KCTD2: variants seen among roughly 807,000 people sequenced by gnomAD.
The protein encoded by KCTD2 is potassium channel tetramerization domain containing 2.
Under a neutral mutation model 27.9 loss-of-function variants are expected in KCTD2, and 18 were observed. That is an observed-to-expected ratio of 0.64 (90% confidence interval 0.45 to 0.96). The LOEUF (loss-of-function observed/expected upper bound fraction) is 0.96. Among genes scored for constraint, KCTD2 ranks in the 40% least tolerant of loss-of-function variants. The probability of loss-of-function intolerance (pLI) is 0.00; values close to 1 mark genes in which losing one functional copy is unlikely to be tolerated. For missense variants in KCTD2, 280 were observed against 348.0 expected (o/e 0.80, Z 1.56); for synonymous variants, 175 against 148.4 (o/e 1.18, Z -1.30).
At chr17:75,036,171 A>G (rs1232136040) in intron 3 of KCTD2, 2 of 368,050 alleles carry the variant, frequency 5.4e-6, no homozygotes, top group Non-Finnish European at 5.6e-6. Flanking sequence ...CTCCTGCCTC[A>G]TCCTCCCAAA....
At chr17:75,056,246 T>C (rs187612445) in intron 3 of KCTD2, among the ~76,000 whole-genome samples, 12 of 152,358 alleles carry the variant, frequency 7.9e-5, no homozygotes, top group Admixed American at 7.2e-4. Flanking sequence ...GATTACCACT[T>C]GGAATGTGAT....
chr17:75,035,083 T>A (rs527538115), intron 2 of KCTD2: 1 of 151,806 alleles, frequency 6.6e-6, no homozygotes, highest in Admixed American at 6.6e-5. Flanking sequence ...GCCATCAAAT[T>A]GGCCTCTCTA....
At chr17:75,062,091 G>A (rs771103888) in intron 4 of KCTD2, 29 bp from the exon 5 acceptor site, 2 of 1,613,162 alleles carry the variant, frequency 1.2e-6, no homozygotes, top group South Asian at 1.1e-5. Context: ...ATTGCCACAT[G>A]AATGTTCACT....
intron 4 of KCTD2, 93 bp downstream of exon 4, chr17:75,059,698 G>A (rs552146492): frequency 7.4e-5 from 70 of 946,252 alleles, no homozygotes; most frequent in African/African-American, 4.5e-4. Context: ...TAATAACCAC[G>A]GGAGACGGCT....
At chr17:75,060,664 C>G (rs932324486) in intron 4 of KCTD2, 1 of 1,495,538 alleles carries the variant, frequency 6.7e-7, no homozygotes, top group South Asian at 1.3e-5. Context: ...GGAGGGCGCG[C>G]GTGCGAGGGC....
intron 2 of KCTD2, among the ~76,000 whole-genome samples, chr17:75,052,252 T>C (rs1239512368): frequency 6.6e-6 from 1 of 152,208 alleles, no homozygotes; most frequent in East Asian, 1.9e-4. Flanking sequence ...CAAAGAGATA[T>C]TTCCTAGCAG....
At chr17:75,040,350 T>C in intron 3 of KCTD2, 1 of 644,010 alleles carries the variant, frequency 1.6e-6, no homozygotes, top group Non-Finnish European at 2.8e-6. Flanking sequence ...AGAAAGAATA[T>C]TAGACTGGGA....
upstream of KCTD2, chr17:75,042,566 T>A (rs1332168773): frequency 1.2e-6 from 2 of 1,612,738 alleles, no homozygotes; most frequent in Admixed American, 3.3e-5. Flanking sequence ...TTCAGGGAAC[T>A]AGCAATGGCC....
At chr17:75,041,427 T>C (rs1439258223) in intron 3 of KCTD2, 1 of 128,892 alleles carries the variant, frequency 7.8e-6, no homozygotes. Context: ...CTGAGCAATA[T>C]GACAAAAACC....
intron 3 of KCTD2, chr17:75,040,418 T>A: frequency 2.1e-6 from 1 of 472,944 alleles, no homozygotes; most frequent in Non-Finnish European, 3.8e-6. Flanking sequence ...GGACAATTCT[T>A]TATGATGATA....
upstream of KCTD2, among the ~76,000 whole-genome samples, chr17:75,042,880 C>G (rs1314607925): frequency 6.7e-6 from 1 of 148,746 alleles, no homozygotes; most frequent in Non-Finnish European, 1.5e-5. Flanking sequence ...GACTCCAACT[C>G]AAAAAAAAAG....
upstream of KCTD2, among the ~76,000 whole-genome samples, chr17:75,045,856 G>A (rs891938775): frequency 6.6e-6 from 1 of 152,202 alleles, no homozygotes; most frequent in African/African-American, 2.4e-5. Flanking sequence ...AATCAGAAGA[G>A]TATTGACTGG....
chr17:75,056,165 T>C (rs1462897606), intron 3 of KCTD2, among the ~76,000 whole-genome samples: 1 of 152,244 alleles, frequency 6.6e-6, no homozygotes, highest in African/African-American at 2.4e-5. Flanking sequence ...TTCATTTAGT[T>C]TTCTTCCATC....
intron 3 of KCTD2, 84 bp downstream of exon 3, chr17:75,053,189 C>T: frequency 9.6e-7 from 1 of 1,043,394 alleles, no homozygotes; most frequent in Non-Finnish European, 1.5e-6. Context: ...ATGCCTTTAC[C>T]CTTAGAGCTG....
chr17:75,057,527 AG>A (rs1207748820), intron 3 of KCTD2, among the ~76,000 whole-genome samples: 3 of 150,704 alleles, frequency 2.0e-5, no homozygotes, highest in Non-Finnish European at 3.0e-5. Context: ...TGAAATCCTT[AG>A]TACTTTGGTT....
chr17:75,047,577 G>A lies in KCTD2; in HGVS notation c.327G>A (p.Leu109=). ...CRLCCQEDPE[L]DSDKDETGAY... ...TCTGCTGCCAGGAGGACCCGGAGCT[G>A]GACTCAGACAAGGTGTGCCCCGCCC... The change falls in exon 1 of 6, where the codon CTG becomes CTA. Residue 109 remains leucine, a synonymous_variant. Transcript: ENST00000322444. 6.2e-7 allele frequency: 1 copy of A among 1,609,408 alleles called. No homozygotes were observed. Among genetic ancestry groups the A allele is most frequent in the Non-Finnish European group, 8.5e-7 (1 of 1,178,246 alleles).
intron 3 of KCTD2, among the ~76,000 whole-genome samples, chr17:75,057,973 T>C (rs1285488223): frequency 6.6e-6 from 1 of 151,344 alleles, no homozygotes; most frequent in East Asian, 2.0e-4. Flanking sequence ...GGTGGGTGGA[T>C]CGCCTCAGGT....
intron 3 of KCTD2, chr17:75,039,128 G>T: frequency 1.1e-5 from 17 of 1,611,944 alleles, no homozygotes; most frequent in Non-Finnish European, 1.4e-5. Flanking sequence ...ATCCAAGGCA[G>T]GTTCCTGCCA....
chr17:75,059,349 C>T (rs988635834), intron 3 of KCTD2, 161 bp from the exon 4 acceptor site: 83 of 418,346 alleles, frequency 2.0e-4, no homozygotes, highest in Middle Eastern at 5.9e-4. Flanking sequence ...AAAAAAGAAA[C>T]GCCACAGTAC....
Sources: gnomAD v4.1 joint callset for allele counts (sites outside exome capture counted in the v4.1 genomes callset) on GRCh38, gnomAD v4.1.1 for gene constraint, MANE v1.5 for transcripts, NCBI Gene and HGNC (gene_info 2026-07-23, HGNC 2026-07-21) for gene names.